The following TBX15 variants were observed in gnomAD, a reference collection of about 807,000 sequenced individuals.
TBX15 encodes the protein T-box transcription factor TBX15.
TBX15 carries 18 observed loss-of-function variants against 53.9 expected under a neutral mutation model. That is an observed-to-expected ratio of 0.33 (90% confidence interval 0.23 to 0.49). The LOEUF (loss-of-function observed/expected upper bound fraction) is 0.49, where lower values mean the gene tolerates loss of function less well. TBX15 is among the 20% of genes least tolerant of loss of function. The pLI is 0.98. For missense variants in TBX15, 692 were observed against 749.5 expected (o/e 0.92, Z 0.90); for synonymous variants, 295 against 278.0 (o/e 1.06, Z -0.61).
intron 1 of TBX15, among the ~76,000 whole-genome samples, chr1:118,985,418 T>C (rs1197234227): frequency 2.6e-5 from 4 of 152,238 alleles, no homozygotes; most frequent in Non-Finnish European, 4.4e-5. Flanking sequence ...CGCCTGAGTC[T>C]GGAGCCGACA....
intron 1 of TBX15, among the ~76,000 whole-genome samples, chr1:118,940,004 G>A (rs1357287020): frequency 2.0e-5 from 3 of 151,906 alleles, no homozygotes; most frequent in African/African-American, 2.4e-5. Flanking sequence ...GTGTCAGAGT[G>A]TGAATTGAAT....
At chr1:118,967,356 TCA>T (rs1294891277) in intron 1 of TBX15, among the ~76,000 whole-genome samples, 4 of 152,188 alleles carry the variant, frequency 2.6e-5, no homozygotes, top group African/African-American at 9.7e-5. Context: ...TGTCAAGATT[TCA>T]CAGTGGTAGA....
chr1:118,930,021 AC>A (rs1375558797), intron 2 of TBX15, among the ~76,000 whole-genome samples: 2 of 152,210 alleles, frequency 1.3e-5, no homozygotes, highest in African/African-American at 2.4e-5. Context: ...GATATTGAAC[AC>A]AGTTATCCAG....
chr1:118,930,903 A>G (rs1655761375), intron 2 of TBX15, among the ~76,000 whole-genome samples: 1 of 152,176 alleles, frequency 6.6e-6, no homozygotes, highest in South Asian at 2.1e-4. Flanking sequence ...TCTGCATCCT[A>G]ATCCATATAT....
At chr1:118,975,892 G>C (rs1657414128) in intron 1 of TBX15, among the ~76,000 whole-genome samples, 1 of 152,200 alleles carries the variant, frequency 6.6e-6, no homozygotes, top group Non-Finnish European at 1.5e-5. Context: ...CTGGCTTCCA[G>C]AAGGAAAGTG....
chr1:118,984,058 G>A (rs577273104), intron 1 of TBX15, among the ~76,000 whole-genome samples: 2 of 152,368 alleles, frequency 1.3e-5, no homozygotes, highest in East Asian at 3.9e-4. Flanking sequence ...ATTAATTCAT[G>A]TGACCACTTG....
intron 2 of TBX15, among the ~76,000 whole-genome samples, chr1:118,930,696 G>A (rs767324625): frequency 1.5e-4 from 23 of 152,352 alleles, no homozygotes; most frequent in Non-Finnish European, 2.5e-4. Flanking sequence ...GATCACAGGC[G>A]TGAGCCACCG....
intron 1 of TBX15, among the ~76,000 whole-genome samples, chr1:118,984,481 C>T (rs1657753248): frequency 2.0e-5 from 3 of 152,220 alleles, no homozygotes; most frequent in Non-Finnish European, 4.4e-5. Context: ...CAGATGGCGC[C>T]GCCGAGCGCC....
intron 2 of TBX15, among the ~76,000 whole-genome samples, chr1:118,929,164 T>G (rs1487844639): frequency 1.3e-5 from 2 of 152,206 alleles, no homozygotes; most frequent in Non-Finnish European, 2.9e-5. Flanking sequence ...TGGTGCTGAT[T>G]ATGCAGGTTG....
intron 6 of TBX15, among the ~76,000 whole-genome samples, chr1:118,909,568 G>GTTGT (rs376347568): frequency 8.6e-5 from 13 of 151,946 alleles, no homozygotes; most frequent in African/African-American, 2.4e-4. Flanking sequence ...TGTTGTTGTT[G>GTTGT]TTGTTTGTTT....
intron 6 of TBX15, among the ~76,000 whole-genome samples, chr1:118,907,930 C>T (rs1654892196): frequency 6.6e-6 from 1 of 152,106 alleles, no homozygotes; most frequent in Non-Finnish European, 1.5e-5. Context: ...ACAGACATGC[C>T]CCAGCTACCC....
chr1:118,931,897 A>C, intron 1 of TBX15, 65 bp from the exon 2 acceptor site: 2 of 1,483,488 alleles, frequency 1.3e-6, no homozygotes, highest in Non-Finnish European at 1.8e-6. Flanking sequence ...ATGGCCCTAA[A>C]AGATGGGGGT....
intron 7 of TBX15, chr1:118,891,040 G>T: frequency 1.2e-6 from 1 of 807,100 alleles, no homozygotes; most frequent in Non-Finnish European, 1.8e-6. Flanking sequence ...AGATCGTAAA[G>T]TTTAATGAGC....
intron 6 of TBX15, among the ~76,000 whole-genome samples, chr1:118,913,367 G>A (rs10923697): frequency 0.13 from 20,317 of 152,096 alleles, 1,549 homozygotes; most frequent in Middle Eastern, 0.29. Context: ...AGATATAGCT[G>A]GTTTCCCTAC....
At chr1:118,945,241 G>C (rs1377236160) in intron 1 of TBX15, among the ~76,000 whole-genome samples, 2 of 152,172 alleles carry the variant, frequency 1.3e-5, no homozygotes, top group African/African-American at 4.8e-5. Context: ...AAGTGGGACA[G>C]TGTATAAGAA....
At chr1:118,955,817 T>G (rs78571577) in intron 1 of TBX15, among the ~76,000 whole-genome samples, 2,631 of 152,292 alleles carry the variant, frequency 0.017, 79 homozygotes, top group African/African-American at 0.06. Context: ...CTTCCCTATG[T>G]GTGCCTCATG....
Position 118,923,389 on chromosome 1 carries a change from G to A in TBX15, c.861+47C>T, listed in dbSNP as rs1334884311. 3 of 1,610,866 alleles carry A rather than the reference G, an allele frequency of 1.9e-6. No homozygotes were observed. The South Asian group carries it at 3.3e-5, about 18-fold the overall frequency. ...ATACCTAAGGAATCTTATGCAGAAG[G>A]ACCAAAAAACAGATGTAGCAGAAGA... On this transcript the variant is annotated intron_variant, in intron 5 of 7. Transcript: ENST00000369429.
rs138450498 is a variant in TBX15, at chr1:118,960,020, G to A, written c.205+27571C>T. Among the ~76,000 whole-genome samples the A allele has an allele frequency of 1.4e-3, 215 of 151,756 alleles. 1 individual carries two copies. Among genetic ancestry groups the A allele is most frequent in the Non-Finnish European group, 2.4e-3 (165 of 67,936 alleles). On this transcript the variant is annotated intron_variant, in intron 1 of 7. Transcript: ENST00000369429. ...TTAGAAATTGTCAAGACAGCTGCAG[G>A]GCTAGCTGAAGAATCACTGGAGCAA...
At chr1:118,987,441 G>C (rs1657874690) in intron 1 of TBX15, 150 bp downstream of exon 1, 1 of 1,020,686 alleles carries the variant, frequency 9.8e-7, no homozygotes, top group African/African-American at 1.6e-5. Context: ...ATTTAGGGAG[G>C]CTCAGGGCAT....
Sources: gnomAD v4.1 joint callset for allele counts (sites outside exome capture counted in the v4.1 genomes callset) on GRCh38, gnomAD v4.1.1 for gene constraint, MANE v1.5 for transcripts, NCBI Gene and HGNC (gene_info 2026-07-23, HGNC 2026-07-21) for gene names.